Variants in NREP observed in about 807,000 individuals in gnomAD.
NREP encodes neuronal regeneration related protein, also known as neuronal regeneration-related protein.
A neutral mutation model predicts 8.6 loss-of-function variants in NREP; 5 were observed. The observed-to-expected ratio is 0.58, with a 90% confidence interval of 0.30 to 1.22. The LOEUF (loss-of-function observed/expected upper bound fraction) is 1.22. NREP is among the 50% of genes most tolerant of loss of function. The pLI is 0.07. For missense variants in NREP, 86 were observed against 82.5 expected, an observed-to-expected ratio of 1.04 and a Z score of -0.17; for synonymous variants, 27 against 28.0, an observed-to-expected ratio of 0.96 and a Z score of 0.11.
At chr5:111,742,549 A>G (rs1047799449) in intron 2 of NREP, among the ~76,000 whole-genome samples, 3 of 152,068 alleles carry the variant, frequency 2.0e-5, no homozygotes, top group African/African-American at 7.2e-5. Flanking sequence ...TTCATTTCTA[A>G]GAATAATAGC....
At chr5:111,864,634 T>G (rs1261406411) in intron 2 of NREP, among the ~76,000 whole-genome samples, 1 of 151,844 alleles carries the variant, frequency 6.6e-6, no homozygotes, top group Non-Finnish European at 1.5e-5. Flanking sequence ...AAAAAAAAAG[T>G]TTGAGAAACA....
At chr5:111,751,138 C>T (rs1308310514) in intron 2 of NREP, among the ~76,000 whole-genome samples, 1 of 152,138 alleles carries the variant, frequency 6.6e-6, no homozygotes, top group Non-Finnish European at 1.5e-5. Context: ...TGAGCTTCTA[C>T]CATGTACTTA....
intron 2 of NREP, among the ~76,000 whole-genome samples, chr5:111,930,502 C>T (rs560062071): frequency 2.0e-5 from 3 of 152,070 alleles, no homozygotes; most frequent in African/African-American, 7.2e-5. Context: ...AGTTTTATGT[C>T]AAGAGCTGCT....
intron 2 of NREP, among the ~76,000 whole-genome samples, chr5:111,883,175 T>C (rs1273425242): frequency 1.3e-5 from 2 of 152,150 alleles, no homozygotes; most frequent in East Asian, 3.8e-4. Context: ...GGGGTTGCAA[T>C]GCTAGTCTCT....
At chr5:111,949,019 A>G (rs1756076272) in intron 2 of NREP, 1 of 152,116 alleles carries the variant, frequency 6.6e-6, no homozygotes, top group Non-Finnish European at 1.5e-5. Flanking sequence ...CAAGAAAACT[A>G]AAGTCATAGT....
chr5:111,966,977 G>T (rs1186741110), intron 2 of NREP, among the ~76,000 whole-genome samples: 2 of 152,184 alleles, frequency 1.3e-5, no homozygotes, highest in Admixed American at 1.3e-4. Context: ...TCTCAACAAA[G>T]AGACATCTGG....
chr5:111,952,530 C>T (rs1248983585), intron 2 of NREP, among the ~76,000 whole-genome samples: 2 of 152,082 alleles, frequency 1.3e-5, no homozygotes, highest in Non-Finnish European at 1.5e-5. Flanking sequence ...GTGGATATTT[C>T]TACAACTTTG....
intron 2 of NREP, among the ~76,000 whole-genome samples, chr5:111,917,795 G>C (rs1755106219): frequency 1.3e-5 from 2 of 152,112 alleles, no homozygotes; most frequent in Admixed American, 1.3e-4. Context: ...TTGAAAACCG[G>C]CACAAGACAG....
intron 2 of NREP, among the ~76,000 whole-genome samples, chr5:111,943,872 G>A (rs560284048): frequency 6.6e-6 from 1 of 152,184 alleles, no homozygotes; most frequent in African/African-American, 2.4e-5. Flanking sequence ...CATATACTCT[G>A]TTCAGCAACT....
chr5:111,752,086 G>A (rs889915201), intron 2 of NREP, among the ~76,000 whole-genome samples: 3 of 152,138 alleles, frequency 2.0e-5, no homozygotes, highest in African/African-American at 7.2e-5. Flanking sequence ...TATTTTAGAA[G>A]TATATTTTCC....
intron 2 of NREP, among the ~76,000 whole-genome samples, chr5:111,928,975 T>C (rs947716651): frequency 6.6e-6 from 1 of 152,122 alleles, no homozygotes; most frequent in Non-Finnish European, 1.5e-5. Flanking sequence ...TAAATTATTG[T>C]ATGTAGTTTT....
chr5:111,838,301 G>GT (rs572963714), intron 2 of NREP, among the ~76,000 whole-genome samples: 23 of 152,116 alleles, frequency 1.5e-4, no homozygotes, highest in Non-Finnish European at 2.8e-4. Context: ...GTGTTCAAAA[G>GT]TTAGTGGCTA....
chr5:111,817,452 G>A (rs1203015512), intron 2 of NREP, among the ~76,000 whole-genome samples: 1 of 151,976 alleles, frequency 6.6e-6, no homozygotes, highest in Non-Finnish European at 1.5e-5. Context: ...TTTCTATTAT[G>A]ATTTAATTTG....
intron 2 of NREP, among the ~76,000 whole-genome samples, chr5:111,745,264 G>C (rs1422484810): frequency 6.6e-6 from 1 of 152,156 alleles, no homozygotes; most frequent in Non-Finnish European, 1.5e-5. Context: ...CACTGAGGGA[G>C]AATAGTCAGG....
chr5:111,775,614 A>G (rs987395811), intron 2 of NREP, among the ~76,000 whole-genome samples: 1 of 152,196 alleles, frequency 6.6e-6, no homozygotes, highest in Non-Finnish European at 1.5e-5. Flanking sequence ...GAGTATATTT[A>G]GAGCATAATT....
chr5:111,905,070 A>T (rs567512013), intron 2 of NREP, among the ~76,000 whole-genome samples: 8 of 152,144 alleles, frequency 5.3e-5, no homozygotes, highest in African/African-American at 1.9e-4. Flanking sequence ...TCAGGTAATC[A>T]CTCTGTAAAT....
chr5:111,780,385 A>G (rs1751463973), intron 2 of NREP, among the ~76,000 whole-genome samples: 1 of 152,174 alleles, frequency 6.6e-6, no homozygotes, highest in South Asian at 2.1e-4. Context: ...GAAGAGGCAG[A>G]TAAGAAAATA....
At chr5:111,765,986 C>A (rs1160654532) in intron 2 of NREP, among the ~76,000 whole-genome samples, 1 of 149,102 alleles carries the variant, frequency 6.7e-6, no homozygotes, top group Non-Finnish European at 1.5e-5. Context: ...GTTACTCCAC[C>A]ACATACTGAT....
intron 2 of NREP, among the ~76,000 whole-genome samples, chr5:111,889,783 AAG>A (rs1447068842): frequency 7.2e-5 from 11 of 152,126 alleles, no homozygotes; most frequent in Non-Finnish European, 8.8e-5. Context: ...TGAGTCCAAA[AAG>A]AGAGTCAGCA....
Sources: gnomAD v4.1 joint callset for allele counts (sites outside exome capture counted in the v4.1 genomes callset) on GRCh38, gnomAD v4.1.1 for gene constraint, MANE v1.5 for transcripts, NCBI Gene and HGNC (gene_info 2026-07-23, HGNC 2026-07-21) for gene names.